Variants in MICB observed in about 807,000 individuals in gnomAD.
MICB encodes MHC class I polypeptide-related sequence B, also known as MHC class I antigen-related protein B.
In MICB, 27 loss-of-function variants were observed where a neutral mutation model predicts 34.3. The observed-to-expected ratio is 0.79, with a 90% CI of 0.58 to 1.08. MICB has a LOEUF of 1.08. MICB is among the 50% of genes least tolerant of loss of function. The probability of loss-of-function intolerance (pLI) is 0.00; values close to 1 mark genes in which losing one functional copy is unlikely to be tolerated. For synonymous variants in MICB, 153 were observed against 187.4 expected (o/e 0.82, Z 1.50); for missense variants, 426 against 483.1 (o/e 0.88, Z 1.11).
Position 31,510,005 on chromosome 6 carries a change from C to T in MICB, c.*96C>T, listed in dbSNP as rs1246739639. On this transcript the variant is annotated 3_prime_UTR_variant, in exon 6 of 6. Coordinates refer to ENST00000252229, the MANE Select transcript of MICB (RefSeq NM_005931.5). ...ACCTATGAAACAGAGAAAATAACAT[C>T]ACTTATTTATTGTTGTTGGATGCTG... is the stretch of plus-strand genomic sequence containing the variant. 7.4e-7 allele frequency: 1 copy of T among 1,349,026 alleles called. No homozygotes were observed. Among genetic ancestry groups the T allele is most frequent in the Non-Finnish European group, 1.0e-6 (1 of 998,500 alleles). The allele number at this position is 1,349,026 out of a possible 1,614,324, so 83.6% of individuals were successfully genotyped here.
rs763870304 is a variant in MICB at position 31,506,431 on chromosome 6, G to C, written c.613+1G>C. The C allele has an allele frequency of 1.9e-6, 3 of 1,613,018 alleles. No individual in the cohort carries two copies. Among genetic ancestry groups the C allele is most frequent in the Non-Finnish European group, 2.5e-6 (3 of 1,179,278 alleles). On this transcript the variant is annotated splice_donor_variant, in intron 3 of 5. Coordinates refer to ENST00000252229, the MANE Select transcript of MICB (RefSeq NM_005931.5). LOFTEE classifies it high-confidence loss of function. Reference sequence around the variant, plus strand: ...TCCGGGGTGGCCATCAGGAGAACAGGTACCGACCCTGGCCAGGGGCTCTAC... The same window carrying C: ...TCCGGGGTGGCCATCAGGAGAACAGCTACCGACCCTGGCCAGGGGCTCTAC...
At chr6:31,502,701 G>C (rs1765076694) in intron 1 of MICB, among the ~76,000 whole-genome samples, 1 of 152,152 alleles carries the variant, frequency 6.6e-6, no homozygotes, top group Non-Finnish European at 1.5e-5. Context: ...AGGATAATTT[G>C]ACTTCTTCTT....
At chr6:31,500,197 A>G (rs1193494996) in intron 1 of MICB, among the ~76,000 whole-genome samples, 1 of 151,622 alleles carries the variant, frequency 6.6e-6, no homozygotes, top group African/African-American at 2.4e-5. Flanking sequence ...CTCCCCCTCC[A>G]GCATTACTCC....
intron 1 of MICB, among the ~76,000 whole-genome samples, chr6:31,502,053 C>G (rs568895101): frequency 2.0e-5 from 3 of 151,952 alleles, no homozygotes; most frequent in Admixed American, 1.3e-4. Context: ...TTGATTCTTC[C>G]GGCTGGGCAC....
At position 31,509,904 on chromosome 6, in the gene MICB, A is replaced by C; in HGVS notation, c.1147A>C (p.Thr383Pro). ...ATGSTGSTEG[T>P] is the part of the protein sequence containing the mutation. ...TGGGTCCACTGGTTCCACTGAGGGC[A>C]CCTAGACTCTACAGCCAGGCGGCCA... is the stretch of plus-strand genomic sequence containing the variant. The change falls in exon 6 of 6, where the codon ACC becomes CCC. Residue 383 changes from threonine (T) to proline (P), a missense_variant. Physicochemically the swap from Thr to Pro is conservative, Grantham distance 38. Transcript: ENST00000252229. 1 of 1,609,476 alleles carries C rather than the reference A, an allele frequency of 6.2e-7. No individual in the cohort carries two copies. Among genetic ancestry groups the C allele is most frequent in the Non-Finnish European group, 8.5e-7 (1 of 1,177,466 alleles).
chr6:31,497,671 C>T (rs1368829928), upstream of MICB, among the ~76,000 whole-genome samples: 5 of 152,164 alleles, frequency 3.3e-5, no homozygotes, highest in African/African-American at 1.2e-4. Flanking sequence ...GGTCACTGGT[C>T]TCATTGCAGT....
At chr6:31,506,524 T>G in intron 3 of MICB, 94 bp downstream of exon 3, 1 of 1,373,168 alleles carries the variant, frequency 7.3e-7, no homozygotes, top group South Asian at 1.4e-5. Flanking sequence ...CCCTGTGCTA[T>G]GGATGCAGGC....
chr6:31,497,021 C>T (rs2534675), upstream of MICB, among the ~76,000 whole-genome samples: 47,903 of 152,040 alleles, frequency 0.32, 7,775 homozygotes, highest in Middle Eastern at 0.39. Context: ...TAGAAGCATC[C>T]ACCATGTGTG....
upstream of MICB, among the ~76,000 whole-genome samples, chr6:31,497,770 T>C (rs1231046945): frequency 6.6e-6 from 1 of 151,976 alleles, no homozygotes; most frequent in Non-Finnish European, 1.5e-5. Flanking sequence ...GCCGGCCTGA[T>C]GGGAGGACCG....
chr6:31,498,446 CTTTTTTTTTTTTTTTTTTTTTTT>C (rs9279321), intron 1 of MICB, among the ~76,000 whole-genome samples, 183 bp downstream of exon 1: 2 of 89,262 alleles, frequency 2.2e-5, no homozygotes, highest in African/African-American at 4.7e-5. Context: ...TCTCCCGTCT[CTTTTTTTTTTTTTTTTTTTTTTT>C]TTTTTTTTTT....
At chr6:31,499,078 G>T (rs1162129551) in intron 1 of MICB, among the ~76,000 whole-genome samples, 2 of 152,066 alleles carry the variant, frequency 1.3e-5, no homozygotes, top group Non-Finnish European at 2.9e-5. Flanking sequence ...CCTTTCTTGG[G>T]ACCCGGAGGT....
rs1272943107 is a variant in MICB, at chr6:31,511,067, C to G, written c.*1158C>G. On this transcript the variant is annotated 3_prime_UTR_variant, in exon 6 of 6. Transcript: ENST00000252229. Reference sequence around the variant, plus strand: ...CCCCGTCACACCGTTATGCATTACTCTGTGTCTACTATTATGTGTGCATAA... The same window carrying G: ...CCCCGTCACACCGTTATGCATTACTGTGTGTCTACTATTATGTGTGCATAA... 6.6e-6 allele frequency: 1 copy of G among 152,230 alleles called. No individual in the cohort carries two copies. Among genetic ancestry groups the G allele is most frequent in the African/African-American group, 2.4e-5 (1 of 41,452 alleles). The allele number at this position is 152,230 out of a possible 1,614,324, so 9.4% of individuals were successfully genotyped here.
At chr6:31,495,799 A>G (rs552663803), upstream of MICB, among the ~76,000 whole-genome samples, 4 of 152,144 alleles carry the variant, frequency 2.6e-5, no homozygotes, top group African/African-American at 7.2e-5. Context: ...TGGTGGGAGG[A>G]TTGCTTGAGC....
chr6:31,509,746 C>T, intron 5 of MICB, 36 bp from the exon 6 acceptor site: 1 of 1,583,394 alleles, frequency 6.3e-7, no homozygotes, highest in Non-Finnish European at 8.6e-7. Context: ...CAACACTGCA[C>T]CCAGTGGAGC....
chr6:31,503,985 G>GTA (rs1765143897), intron 1 of MICB, among the ~76,000 whole-genome samples: 1 of 148,752 alleles, frequency 6.7e-6, no homozygotes, highest in South Asian at 2.1e-4. Context: ...GTGTGTGTGT[G>GTA]TGATAATAGC....
chr6:31,509,376 G>A lies in MICB; in HGVS notation c.1025-406G>A, dbSNP rs201575719. Among the ~76,000 whole-genome samples the A allele has an allele frequency of 2.0e-4, 30 of 152,372 alleles. No individual in the cohort carries two copies. The East Asian group carries it at 5.2e-3, about 26-fold the overall frequency. On this transcript the variant is annotated intron_variant, in intron 5 of 5. Coordinates refer to ENST00000252229, the MANE Select transcript of MICB (RefSeq NM_005931.5). ...AGAGGGCAGGGCCCACAGTGGGCAGGGCCTGCCCTGGTGTGCAGGTGCCTC... is the reference window on the plus strand; with the variant it reads ...AGAGGGCAGGGCCCACAGTGGGCAGAGCCTGCCCTGGTGTGCAGGTGCCTC...
intron 1 of MICB, among the ~76,000 whole-genome samples, chr6:31,499,946 C>A (rs1392866413): frequency 7.0e-6 from 1 of 141,972 alleles, no homozygotes; most frequent in Non-Finnish European, 1.5e-5. Flanking sequence ...CCCCAGAGCA[C>A]CCTCCCCTCC....
chr6:31,506,935 T>G, intron 3 of MICB, 87 bp from the exon 4 acceptor site: 9 of 1,542,506 alleles, frequency 5.8e-6, no homozygotes, highest in Non-Finnish European at 7.9e-6. Flanking sequence ...TCAGCCAGAG[T>G]GAGAACAGTG....
upstream of MICB, among the ~76,000 whole-genome samples, chr6:31,496,205 T>TAGAA (rs9281508): frequency 0.34 from 51,268 of 151,856 alleles, 8,785 homozygotes; most frequent in East Asian, 0.46. Flanking sequence ...ATTCTCTTAG[T>TAGAA]AGAGGCTTTC....
Sources: gnomAD v4.1 joint callset for allele counts (sites outside exome capture counted in the v4.1 genomes callset) on GRCh38, gnomAD v4.1.1 for gene constraint, MANE v1.5 for transcripts, NCBI Gene and HGNC (gene_info 2026-07-23, HGNC 2026-07-21) for gene names.